TRHDE: variants seen among roughly 807,000 people sequenced by gnomAD.
TRHDE encodes the protein thyrotropin-releasing hormone-degrading ectoenzyme.
TRHDE carries 72 observed loss-of-function variants against 125.7 expected under a neutral mutation model. The ratio of observed to expected loss-of-function variants is 0.57; its 90% CI spans 0.47 to 0.70. The LOEUF (loss-of-function observed/expected upper bound fraction) is 0.70. Ranked by LOEUF, TRHDE falls within the 30% of genes least tolerant of loss-of-function variation. The probability of loss-of-function intolerance (pLI) is 0.00; values close to 1 mark genes in which losing one functional copy is unlikely to be tolerated. For synonymous variants in TRHDE, 509 were observed against 509.1 expected (o/e 1.00, Z 0.00); for missense variants, 1,110 against 1,327.1 (o/e 0.84, Z 2.54).
chr12:72,307,328 C>A (rs1338762754), intron 2 of TRHDE, among the ~76,000 whole-genome samples: 1 of 90,978 alleles, frequency 1.1e-5, no homozygotes, highest in Non-Finnish European at 2.3e-5. Context: ...CCATACCCAG[C>A]TATTTTTTTT....
chr12:72,444,743 T>A (rs1483629203), intron 3 of TRHDE, among the ~76,000 whole-genome samples: 9 of 151,804 alleles, frequency 5.9e-5, no homozygotes, highest in Admixed American at 5.9e-4. Context: ...TTAGTGAAGC[T>A]GGAGAGCGAG....
intron 5 of TRHDE, among the ~76,000 whole-genome samples, chr12:72,483,300 A>G (rs1221517824): frequency 6.6e-6 from 1 of 151,974 alleles, no homozygotes; most frequent in African/African-American, 2.4e-5. Flanking sequence ...ATGAAGTTCA[A>G]TTCCTTTTTC....
chr12:72,247,574 T>C (rs1021616887), intron 2 of TRHDE, among the ~76,000 whole-genome samples: 7 of 152,232 alleles, frequency 4.6e-5, no homozygotes, highest in South Asian at 2.1e-4. Flanking sequence ...CCCTAGGTTA[T>C]TTTAATGTGC....
Position 72,578,364 on chromosome 12 carries a change from C to A in TRHDE, c.2321+2822C>A, listed in dbSNP as rs556782916. Among the ~76,000 whole-genome samples the A allele has an allele frequency of 5.3e-5, 8 of 152,248 alleles. No individual in the cohort carries two copies. The East Asian group carries it at 1.5e-3, about 29-fold the overall frequency. On this transcript the variant is annotated intron_variant, in intron 12 of 18. Transcript: ENST00000261180. The stretch of plus-strand genomic sequence containing the variant: ...ACCCCAAAGAGTGACACAGCAGAGT[C>A]CATGACCTCAAGTAAGAGTGACTTC...
At chr12:72,600,361 A>T (rs1872159723) in intron 12 of TRHDE, among the ~76,000 whole-genome samples, 1 of 152,150 alleles carries the variant, frequency 6.6e-6, no homozygotes, top group Non-Finnish European at 1.5e-5. Context: ...GGCCATTTTA[A>T]TGATATCGAT....
At chr12:72,242,082 A>G (rs991530884) in intron 2 of TRHDE, among the ~76,000 whole-genome samples, 3 of 145,616 alleles carry the variant, frequency 2.1e-5, no homozygotes, top group Non-Finnish European at 4.6e-5. Context: ...TACTTTCACC[A>G]ATCTACACAT....
At chr12:72,458,482 T>A (rs1351223938) in intron 3 of TRHDE, among the ~76,000 whole-genome samples, 2 of 152,122 alleles carry the variant, frequency 1.3e-5, no homozygotes, top group Non-Finnish European at 2.9e-5. Flanking sequence ...TCCTCAGACG[T>A]CTGTCTTAGC....
chr12:72,288,548 G>T (rs1879974606), intron 2 of TRHDE, among the ~76,000 whole-genome samples: 1 of 152,122 alleles, frequency 6.6e-6, no homozygotes. Flanking sequence ...TTTCAAGGCT[G>T]TACTCATTGG....
intron 10 of TRHDE, among the ~76,000 whole-genome samples, chr12:72,574,654 G>GGTAATAA (rs1870905117): frequency 6.6e-6 from 1 of 152,010 alleles, no homozygotes. Context: ...TTTCCAAAGT[G>GGTAATAA]ATCCCAATAA....
At chr12:72,370,064 G>A (rs573057765) in intron 2 of TRHDE, among the ~76,000 whole-genome samples, 11 of 152,026 alleles carry the variant, frequency 7.2e-5, no homozygotes, top group Non-Finnish European at 1.0e-4. Flanking sequence ...GGAATTACTC[G>A]GTTTGCAAAA....
chr12:72,136,348 A>G (rs1875985176), intron 2 of TRHDE, among the ~76,000 whole-genome samples: 1 of 152,246 alleles, frequency 6.6e-6, no homozygotes, highest in African/African-American at 2.4e-5. Flanking sequence ...CAAATGGGAA[A>G]TGCAATAAAG....
chr12:72,099,369 G>A (rs1875013782), intron 1 of TRHDE, among the ~76,000 whole-genome samples: 1 of 152,082 alleles, frequency 6.6e-6, no homozygotes, highest in Non-Finnish European at 1.5e-5. Context: ...TAGAATACTT[G>A]TTATATTGCA....
chr12:72,573,589 A>G (rs1237063384), intron 10 of TRHDE, among the ~76,000 whole-genome samples: 2 of 152,042 alleles, frequency 1.3e-5, no homozygotes, highest in Non-Finnish European at 2.9e-5. Flanking sequence ...AATCAATAGC[A>G]TAAATTTAAA....
Position 72,377,974 on chromosome 12 carries a change from T to C in TRHDE, c.1189-21T>C, listed in dbSNP as rs368986984. 5.0e-5 allele frequency: 77 copies of C among 1,532,578 alleles called. No homozygotes were observed. The African/African-American group carries it at 1.0e-3, about 20-fold the overall frequency. 94.9% of individuals were successfully genotyped at this position (1,532,578 alleles called of 1,614,324 possible). ...CAAGTGCTAAAAGGCTAAAGTAACT[T>C]TTATATATATTTTTAATTAGGTACG... On this transcript the variant is annotated intron_variant, in intron 2 of 18. Transcript: ENST00000261180.
intron 1 of TRHDE, among the ~76,000 whole-genome samples, chr12:72,093,445 T>C (rs369952134): frequency 6.6e-6 from 1 of 152,152 alleles, no homozygotes; most frequent in African/African-American, 2.4e-5. Flanking sequence ...CTGCTGGAAC[T>C]CCCAAAATTC....
intron 2 of TRHDE, among the ~76,000 whole-genome samples, chr12:72,307,367 G>A (rs1250250946): frequency 6.6e-6 from 1 of 151,020 alleles, no homozygotes; most frequent in Non-Finnish European, 1.5e-5. Flanking sequence ...GTAGAGATGG[G>A]GTTTTTCCAC....
intron 2 of TRHDE, among the ~76,000 whole-genome samples, chr12:72,333,186 A>G (rs771846090): frequency 6.6e-6 from 1 of 152,222 alleles, no homozygotes; most frequent in Non-Finnish European, 1.5e-5. Context: ...AGGGCAAAGA[A>G]CTTTGGTGGT....
chr12:72,421,733 A>G (rs1215254385), intron 3 of TRHDE, among the ~76,000 whole-genome samples: 1 of 152,132 alleles, frequency 6.6e-6, no homozygotes, highest in Non-Finnish European at 1.5e-5. Flanking sequence ...GATTATTATT[A>G]TTTTGGACAA....
rs185316633 is a variant in TRHDE, at chr12:72,316,457, C to T, written c.1188+29503C>T. ...TATGTCCCAGCGACTTTTTACAAGACGAAAACACCCGGATAACCACCACCC... is the reference window on the plus strand; with the variant it reads ...TATGTCCCAGCGACTTTTTACAAGATGAAAACACCCGGATAACCACCACCC... On this transcript the variant is annotated intron_variant, in intron 2 of 18. Transcript: ENST00000261180. 8.3e-4 allele frequency among the ~76,000 whole-genome samples: 126 copies of T among 152,226 alleles called. 1 individual carries two copies. The highest frequency in any genetic ancestry group is 7.7e-4 in the East Asian group (4 of 5,178).
Sources: gnomAD v4.1 joint callset for allele counts (sites outside exome capture counted in the v4.1 genomes callset) on GRCh38, gnomAD v4.1.1 for gene constraint, MANE v1.5 for transcripts, NCBI Gene and HGNC (gene_info 2026-07-23, HGNC 2026-07-21) for gene names.